EGLN1: variants seen among roughly 807,000 people sequenced by gnomAD.
EGLN1 encodes egl nine homolog 1.
A neutral mutation model predicts 38.3 loss-of-function variants in EGLN1; 17 were observed. The ratio of observed to expected loss-of-function variants is 0.44; its 90% confidence interval spans 0.30 to 0.67. The LOEUF (loss-of-function observed/expected upper bound fraction) is 0.67. Ranked by LOEUF, EGLN1 falls within the 30% of genes least tolerant of loss-of-function variation. The pLI is 0.08. For missense variants in EGLN1, 477 were observed against 603.3 expected (o/e 0.79, Z 2.19); for synonymous variants, 283 against 257.5 (o/e 1.10, Z -0.95).
intron 1 of EGLN1, among the ~76,000 whole-genome samples, chr1:231,401,074 G>A (rs991992457): frequency 1.1e-4 from 17 of 151,984 alleles, no homozygotes; most frequent in Admixed American, 9.8e-4. Flanking sequence ...AAATAAACAA[G>A]AAATTTCTGT....
chr1:231,401,032 C>T (rs967382798), intron 1 of EGLN1, among the ~76,000 whole-genome samples: 2 of 152,128 alleles, frequency 1.3e-5, no homozygotes, highest in South Asian at 4.1e-4. Flanking sequence ...GCCTGGGCAA[C>T]AGAGTGAGAC....
Position 231,397,301 on chromosome 1 carries a change from G to A in EGLN1, c.892-23202C>T, listed in dbSNP as rs574285440. On this transcript the variant is annotated intron_variant, in intron 1 of 4. Coordinates refer to ENST00000366641, the MANE Select transcript of EGLN1 (RefSeq NM_022051.3). ...TGGCCACTTATGTTATTAAAAGAAT[G>A]TTTTAAATCAATATAAATCAAACTA... Among the ~76,000 whole-genome samples, 5 of 152,280 alleles carry A rather than the reference G, an allele frequency of 3.3e-5. 1 individual carries two copies. The highest frequency in any genetic ancestry group is 1.2e-4 in the African/African-American group (5 of 41,548).
intron 2 of EGLN1, among the ~76,000 whole-genome samples, chr1:231,372,676 C>A (rs1291844716): frequency 6.6e-6 from 1 of 152,100 alleles, no homozygotes; most frequent in African/African-American, 2.4e-5. Context: ...GTTGACATGC[C>A]TCAATATATA....
chr1:231,383,057 C>CAA lies in EGLN1; in HGVS notation c.892-8960_892-8959dup, dbSNP rs547747077. Among the ~76,000 whole-genome samples the CAA allele has an allele frequency of 3.8e-3, 268 of 70,540 alleles. 13 individuals carry two copies. The highest frequency in any genetic ancestry group is 5.9e-3 in the African/African-American group (93 of 15,840). The allele number at this position is 70,540 out of a possible 152,430, so 46.3% of individuals were successfully genotyped here. ...TGGGCAACAGAGCGAAACTCTGTCT[C>CAA]AAAAAAAAAAAAAAAAAAAAAAAAA... is the stretch of plus-strand genomic sequence containing the variant. On this transcript the variant is annotated intron_variant, in intron 1 of 4. Transcript: ENST00000366641.
In EGLN1 at chr1:231,421,905, G is replaced by A. The variant is rs1408712769; in HGVS notation, c.-17C>T. 5.0e-6 allele frequency: 7 copies of A among 1,398,412 alleles called. No homozygotes were observed. Among genetic ancestry groups the A allele is most frequent in the Non-Finnish European group, 4.6e-6 (5 of 1,086,382 alleles). The allele number at this position is 1,398,412 out of a possible 1,614,324, so 86.6% of individuals were successfully genotyped here. ...ATTGGCCATGGCGGCGGCGGCGGCG[G>A]CGACGGCGACTGCGGCGGCCGAGCA... is the stretch of plus-strand genomic sequence containing the variant. On this transcript the variant is annotated 5_prime_UTR_variant, in exon 1 of 5. Coordinates refer to ENST00000366641, the MANE Select transcript of EGLN1 (RefSeq NM_022051.3). This position sits in a 1 kb window ranked among gnomAD's most constrained non-coding sequence, Gnocchi z 5.5.
At chr1:231,416,490 T>A (rs1368837058) in intron 1 of EGLN1, among the ~76,000 whole-genome samples, 5 of 150,366 alleles carry the variant, frequency 3.3e-5, no homozygotes, top group African/African-American at 1.2e-4. Context: ...GCTCAAGCAA[T>A]CATCCCACCT....
At chr1:231,408,489 G>A (rs977459014) in intron 1 of EGLN1, among the ~76,000 whole-genome samples, 1 of 152,146 alleles carries the variant, frequency 6.6e-6, no homozygotes, top group Non-Finnish European at 1.5e-5. Context: ...TTTTATGAGT[G>A]TTGGTAAATT....
intron 1 of EGLN1, among the ~76,000 whole-genome samples, chr1:231,415,023 C>T (rs913446246): frequency 9.9e-5 from 15 of 152,074 alleles, no homozygotes; most frequent in African/African-American, 3.6e-4. Flanking sequence ...CATGAGCCAG[C>T]ACTTTGGGAG....
intron 1 of EGLN1, among the ~76,000 whole-genome samples, chr1:231,408,056 C>G (rs1203667248): frequency 2.0e-5 from 3 of 152,150 alleles, no homozygotes; most frequent in Admixed American, 1.3e-4. Context: ...AATAAAAGTC[C>G]TCTGCCGAAG....
intron 1 of EGLN1, among the ~76,000 whole-genome samples, chr1:231,383,598 A>T (rs1299769999): frequency 6.6e-6 from 1 of 152,232 alleles, no homozygotes; most frequent in Non-Finnish European, 1.5e-5. Context: ...AACAGAATCA[A>T]TATGGTGCCT....
rs1399513213 is a variant in EGLN1, at chr1:231,400,015, T to C, written c.891+20983A>G. 2.0e-5 allele frequency among the ~76,000 whole-genome samples: 3 copies of C among 152,080 alleles called. No homozygotes were observed. The East Asian group carries it at 5.8e-4, about 29-fold the overall frequency. The stretch of plus-strand genomic sequence containing the variant: ...ATAGTATCATCTACTTTTAGAAGCC[T>C]TGGGGAAAAAGGTAAGAGAATATTA... On this transcript the variant is annotated intron_variant, in intron 1 of 4. Coordinates refer to ENST00000366641, the MANE Select transcript of EGLN1 (RefSeq NM_022051.3).
intron 1 of EGLN1, among the ~76,000 whole-genome samples, chr1:231,416,764 CAT>C (rs1396844879): frequency 2.0e-5 from 3 of 152,192 alleles, no homozygotes; most frequent in Non-Finnish European, 4.4e-5. Flanking sequence ...AATGTTTTCA[CAT>C]ATAGTTGATC....
At chr1:231,411,834 T>C (rs987223587) in intron 1 of EGLN1, among the ~76,000 whole-genome samples, 2 of 151,230 alleles carry the variant, frequency 1.3e-5, no homozygotes, top group Admixed American at 1.3e-4. Context: ...CTGTCTCTAC[T>C]AAACATACAA....
Position 231,384,018 on chromosome 1 carries a change from GC to G in EGLN1, c.892-9920del, listed in dbSNP as rs1407796888. Among the ~76,000 whole-genome samples, 4 of 151,956 alleles carry G rather than the reference GC, an allele frequency of 2.6e-5. No homozygotes were observed. The East Asian group carries it at 7.7e-4, about 29-fold the overall frequency. Reference sequence around the variant, plus strand: ...TCACTCAATCTACTTGTAGAGGATGGCCCAGATGCCACGAAATAAAAGGTTA... The same window carrying G: ...TCACTCAATCTACTTGTAGAGGATGGCCAGATGCCACGAAATAAAAGGTTA... On this transcript the variant is annotated intron_variant, in intron 1 of 4. Transcript: ENST00000366641.
At chr1:231,411,410 C>A (rs1207708232) in intron 1 of EGLN1, among the ~76,000 whole-genome samples, 2 of 152,164 alleles carry the variant, frequency 1.3e-5, no homozygotes, top group African/African-American at 4.8e-5. Context: ...GTCTTCACAG[C>A]AGTGTGAAAA....
At chr1:231,407,496 T>C (rs1285410611) in intron 1 of EGLN1, among the ~76,000 whole-genome samples, 1 of 152,192 alleles carries the variant, frequency 6.6e-6, no homozygotes, top group African/African-American at 2.4e-5. Flanking sequence ...GTATCAATGT[T>C]GAACTTTGCA....
intron 1 of EGLN1, among the ~76,000 whole-genome samples, chr1:231,376,181 A>C (rs1289431957): frequency 6.6e-6 from 1 of 152,228 alleles, no homozygotes; most frequent in Non-Finnish European, 1.5e-5. Context: ...CCTTTGGTCA[A>C]CTTAGTCCAA....
chr1:231,412,507 T>C (rs1230396823), intron 1 of EGLN1, among the ~76,000 whole-genome samples: 1 of 152,252 alleles, frequency 6.6e-6, no homozygotes, highest in Non-Finnish European at 1.5e-5. Flanking sequence ...TCACAAGCCA[T>C]CTTGAATGAG....
At chr1:231,385,082 A>G (rs1441012543) in intron 1 of EGLN1, among the ~76,000 whole-genome samples, 1 of 152,188 alleles carries the variant, frequency 6.6e-6, no homozygotes, top group Non-Finnish European at 1.5e-5. Context: ...GTGCTGGGAT[A>G]CTCATACTAT....
Sources: gnomAD v4.1 joint callset for allele counts (sites outside exome capture counted in the v4.1 genomes callset) on GRCh38, gnomAD v4.1.1 for gene constraint, Gnocchi (gnomAD v3.1) non-coding constraint, MANE v1.5 for transcripts, NCBI Gene and HGNC (gene_info 2026-07-23, HGNC 2026-07-21) for gene names.